LOXHD1: variants seen among roughly 807,000 people sequenced by gnomAD.
LOXHD1 encodes the protein lipoxygenase homology domain-containing protein 1.
In LOXHD1, 205 loss-of-function variants were observed where a neutral mutation model predicts 248.2. That is an observed-to-expected ratio of 0.83 (90% CI 0.74 to 0.93). The LOEUF (loss-of-function observed/expected upper bound fraction) is 0.93. LOXHD1 is among the 40% of genes least tolerant of loss of function. The pLI is 0.00. For synonymous variants in LOXHD1, 1,113 were observed against 1,162.8 expected, an observed-to-expected ratio of 0.96 and a Z score of 0.87; for missense variants, 2,930 against 2,971.6, an observed-to-expected ratio of 0.99 and a Z score of 0.33.
chr18:46,593,699 G>A lies in LOXHD1; in HGVS notation c.1332C>T (p.Pro444=), dbSNP rs1284270295. ...TDLKKAGTNS[P]IFIQIYGQKG... is the part of the protein sequence containing the mutation. ...TCTGCCCATAAATCTGGATGAAGAT[G>A]GGAGAGTTGGTACCAGCTTTCTTTA... Residue 444 remains proline (P), a synonymous_variant, in exon 10 of 41, where the codon CCC becomes CCT. Coordinates refer to ENST00000642948, the MANE Select transcript of LOXHD1 (RefSeq NM_001384474.1). 6.4e-7 allele frequency: 1 copy of A among 1,552,132 alleles called. No individual in the cohort carries two copies. Among genetic ancestry groups the A allele is most frequent in the Non-Finnish European group, 8.7e-7 (1 of 1,147,108 alleles).
In LOXHD1 at chr18:46,531,168, C is replaced by G. The variant is rs539627282; in HGVS notation, c.4376-1837G>C. Among the ~76,000 whole-genome samples the G allele has an allele frequency of 7.2e-5, 11 of 152,218 alleles. 1 individual carries two copies. The highest frequency in any genetic ancestry group is 6.5e-4 in the Admixed American group (10 of 15,302). ...TCCTGAGTGCATTGTGAGAGTTGACCTGCAGAGGCTGGTCAGAGACACCGC... is the reference window on the plus strand; with the variant it reads ...TCCTGAGTGCATTGTGAGAGTTGACGTGCAGAGGCTGGTCAGAGACACCGC... On this transcript the variant is annotated intron_variant, in intron 28 of 40. Coordinates refer to ENST00000642948, the MANE Select transcript of LOXHD1 (RefSeq NM_001384474.1).
rs1275314889 is a variant in LOXHD1 at position 46,557,499 on chromosome 18, G to A, written c.3217-10C>T. 6.4e-7 allele frequency: 1 copy of A among 1,551,682 alleles called. No homozygotes were observed. Among genetic ancestry groups the A allele is most frequent in the African/African-American group, 1.4e-5 (1 of 73,028 alleles). On this transcript the variant is annotated splice_polypyrimidine_tract_variant and intron_variant, in intron 20 of 40. Coordinates refer to ENST00000642948, the MANE Select transcript of LOXHD1 (RefSeq NM_001384474.1). ...TGGTGAAGGTGTCTGTCTGGGAAGG[G>A]CCAGGGAACACTCAGTGGGGTAAGA... is the stretch of plus-strand genomic sequence containing the variant.
At position 46,533,276 on chromosome 18, in the gene LOXHD1, C is replaced by T; in HGVS notation, c.4261G>A (p.Glu1421Lys). The change falls in exon 28 of 41, where the codon GAG (glutamate) becomes AAG (lysine). Residue 1421 changes from glutamate to lysine, a missense_variant. Coordinates refer to ENST00000642948, the MANE Select transcript of LOXHD1 (RefSeq NM_001384474.1). Reference sequence around the variant, plus strand: ...TCTCGAATGGTCTTTTTGTCATCCTCAGAGGTGGCAAGCCACCGATCGCAT... The same window carrying T: ...TCTCGAATGGTCTTTTTGTCATCCTTAGAGGTGGCAAGCCACCGATCGCAT... ...FPCDRWLATS[E>K]DDKKTIRELV... is the part of the protein sequence containing the mutation. The T allele has an allele frequency of 6.4e-7, 1 of 1,551,792 alleles. No homozygotes were observed. Among genetic ancestry groups the T allele is most frequent in the Non-Finnish European group, 8.7e-7 (1 of 1,147,016 alleles).
intron 35 of LOXHD1, among the ~76,000 whole-genome samples, chr18:46,509,283 C>T (rs979143290): frequency 6.6e-6 from 1 of 152,224 alleles, no homozygotes; most frequent in African/African-American, 2.4e-5. Flanking sequence ...AAGCAGCTGC[C>T]TAACTCCGTG....
At chr18:46,596,624 A>C (rs2038260585) in intron 8 of LOXHD1, among the ~76,000 whole-genome samples, 1 of 152,230 alleles carries the variant, frequency 6.6e-6, no homozygotes, top group Non-Finnish European at 1.5e-5. Context: ...TCTTTGCTCC[A>C]GACAGAAAAT....
rs1339091754 is a variant in LOXHD1, at chr18:46,656,924, T to C, written c.110A>G (p.His37Arg). The C allele has an allele frequency of 1.9e-6, 3 of 1,551,458 alleles. No individual in the cohort carries two copies. Among genetic ancestry groups the C allele is most frequent in the Non-Finnish European group, 2.6e-6 (3 of 1,146,902 alleles). ...ASEDDEGELEHEYYKARVYEV... is the reference protein window; with the variant it reads ...ASEDDEGELEREYYKARVYEV... The stretch of plus-strand genomic sequence containing the variant: ...CGCACCTCTGGCCTTGTAGTACTCG[T>C]GTTCCAGCTCCCCCTCGTCGTCCTC... The change falls in exon 1 of 41, where the codon CAC becomes CGC. Residue 37 changes from histidine to arginine, a missense_variant. Coordinates refer to ENST00000642948, the MANE Select transcript of LOXHD1 (RefSeq NM_001384474.1).
intron 5 of LOXHD1, among the ~76,000 whole-genome samples, chr18:46,614,511 T>C (rs532302405): frequency 5.9e-5 from 9 of 151,864 alleles, no homozygotes; most frequent in African/African-American, 1.7e-4. Context: ...TAGGTGGGAA[T>C]TGAACAATGA....
chr18:46,602,914 A>G (rs181348806), intron 7 of LOXHD1, among the ~76,000 whole-genome samples: 1 of 152,316 alleles, frequency 6.6e-6, no homozygotes, highest in East Asian at 1.9e-4. Context: ...TTCTTCTACC[A>G]CTAGGAGACA....
At chr18:46,507,826 A>T in intron 35 of LOXHD1, 114 bp from the exon 36 acceptor site, 1 of 1,180,256 alleles carries the variant, frequency 8.5e-7, no homozygotes. Flanking sequence ...CAGACCTGAG[A>T]CAAGCGCTTG....
At position 46,601,525 on chromosome 18, in the gene LOXHD1, AC is replaced by A. The variant is rs369741854; in HGVS notation, c.884-59del. Reference sequence around the variant, plus strand: ...AATGTGAGCTGCATCATAATATCCCACCCCCTCCTCCCCTTCCTGGTTACAA... The same window carrying A: ...AATGTGAGCTGCATCATAATATCCCACCCCTCCTCCCCTTCCTGGTTACAA... On this transcript the variant is annotated intron_variant, in intron 7 of 40. Transcript: ENST00000642948. 8.5e-5 allele frequency: 131 copies of A among 1,544,658 alleles called. No individual in the cohort carries two copies. The African/African-American group carries it at 1.3e-3, about 15-fold the overall frequency.
At chr18:46,532,223 T>C (rs1249609920) in intron 28 of LOXHD1, among the ~76,000 whole-genome samples, 1 of 152,240 alleles carries the variant, frequency 6.6e-6, no homozygotes. Context: ...ATTCTTTTTC[T>C]ATCATCAGGG....
intron 21 of LOXHD1, among the ~76,000 whole-genome samples, chr18:46,547,954 A>G (rs780689184): frequency 6.6e-6 from 1 of 152,252 alleles, no homozygotes; most frequent in Non-Finnish European, 1.5e-5. Flanking sequence ...GCCTCAGTGT[A>G]CCATAAAATA....
intron 40 of LOXHD1, among the ~76,000 whole-genome samples, chr18:46,481,169 G>GTTAA (rs1227862851): frequency 6.6e-6 from 1 of 152,220 alleles, no homozygotes; most frequent in Admixed American, 6.5e-5. Context: ...TACACACAGT[G>GTTAA]TTAAGCAAGT....
chr18:46,623,703 G>A (rs367921645), intron 4 of LOXHD1, among the ~76,000 whole-genome samples: 13 of 152,364 alleles, frequency 8.5e-5, no homozygotes, highest in African/African-American at 3.1e-4. Context: ...TTCCAGAAAA[G>A]GCAGACACTG....
intron 14 of LOXHD1, among the ~76,000 whole-genome samples, chr18:46,574,356 T>C (rs2037812105): frequency 6.6e-6 from 1 of 150,756 alleles, no homozygotes; most frequent in Admixed American, 6.6e-5. Context: ...TTACTCTTTC[T>C]CTGAGCTCAC....
At chr18:46,479,764 A>G (rs1598801629) in intron 40 of LOXHD1, among the ~76,000 whole-genome samples, 1 of 54,774 alleles carries the variant, frequency 1.8e-5, no homozygotes, top group Non-Finnish European at 4.7e-5. Flanking sequence ...TTCTTAACAG[A>G]AAAAAAAAAA....
intron 21 of LOXHD1, 69 bp from the exon 22 acceptor site, chr18:46,547,127 C>A: frequency 6.5e-7 from 1 of 1,534,360 alleles, no homozygotes; most frequent in Non-Finnish European, 8.8e-7. Context: ...CAGTCATGGG[C>A]TGAGAATGAG....
downstream of LOXHD1, chr18:46,477,221 C>T (rs558667364): frequency 1.4e-6 from 1 of 728,770 alleles, no homozygotes; most frequent in Non-Finnish European, 2.5e-6. Flanking sequence ...CTGGTCACTA[C>T]TGTTATTACA....
At chr18:46,605,303 G>T (rs2038395970) in intron 6 of LOXHD1, among the ~76,000 whole-genome samples, 1 of 152,090 alleles carries the variant, frequency 6.6e-6, no homozygotes, top group Admixed American at 6.6e-5. Flanking sequence ...GAGGCGGGAG[G>T]ATCACGAGGT....
Sources: gnomAD v4.1 joint callset for allele counts (sites outside exome capture counted in the v4.1 genomes callset) on GRCh38, gnomAD v4.1.1 for gene constraint, MANE v1.5 for transcripts, NCBI Gene and HGNC (gene_info 2026-07-23, HGNC 2026-07-21) for gene names.